Variants in TENM3 observed in about 807,000 individuals in gnomAD.
The protein encoded by TENM3 is teneurin transmembrane protein 3, also known as teneurin-3.
TENM3 carries 63 observed loss-of-function variants against 255.1 expected under a neutral mutation model. The observed-to-expected ratio is 0.25, with a 90% confidence interval of 0.20 to 0.30. The LOEUF is 0.30. Among genes scored for constraint, TENM3 ranks in the 10% least tolerant of loss-of-function variants. The pLI is 1.00. For missense variants in TENM3, 2,929 were observed against 3,461.1 expected (o/e 0.85, Z 3.86); for synonymous variants, 1,306 against 1,322.3 (o/e 0.99, Z 0.27).
intron 1 of TENM3, among the ~76,000 whole-genome samples, chr4:182,263,393 C>T (rs1023213027): frequency 3.9e-5 from 6 of 152,068 alleles, no homozygotes; most frequent in East Asian, 3.9e-4. Flanking sequence ...AGAGGCCCAA[C>T]TTAGGAGGGT....
chr4:182,574,391 A>T (rs957815571), intron 3 of TENM3, among the ~76,000 whole-genome samples: 3 of 152,110 alleles, frequency 2.0e-5, no homozygotes, highest in African/African-American at 7.2e-5. Context: ...GTCATTTGGT[A>T]TGCATTACTT....
At chr4:182,173,584 G>A (rs142160252) in intron 1 of TENM3, among the ~76,000 whole-genome samples, 4 of 152,230 alleles carry the variant, frequency 2.6e-5, no homozygotes, top group South Asian at 2.1e-4. Flanking sequence ...ATCCTATGTG[G>A]CCAGGAAGTT....
the TENM3 span, among the ~76,000 whole-genome samples, chr4:181,990,734 G>T: frequency 3.9e-5 from 6 of 152,176 alleles, no homozygotes; most frequent in Admixed American, 2.0e-4. Context: ...ACTCCATGAC[G>T]CTCACAACTA....
rs1377503023 is a variant in TENM3 at position 182,161,308 on chromosome 4, C to T, written c.-76+16554C>T. ...GCGGGCGCCTGTAGTCCCAGCTACT[C>T]GGGAGGCTGAGGCAGGAGAATGGCG... On this transcript the variant is annotated intron_variant, in intron 1 of 2. Coordinates refer to the TENM3 transcript ENST00000512480. 5.3e-5 allele frequency among the ~76,000 whole-genome samples: 7 copies of T among 132,716 alleles called. 2 individuals are homozygous for T. In the East Asian group the frequency reaches 1.1e-3, roughly 21 times the overall value. 87.1% of individuals were successfully genotyped at this position (132,716 alleles called of 152,430 possible).
At chr4:182,256,762 C>A (rs2150140676) in intron 1 of TENM3, among the ~76,000 whole-genome samples, 1 of 152,154 alleles carries the variant, frequency 6.6e-6, no homozygotes, top group South Asian at 2.1e-4. Flanking sequence ...CTATATAGAA[C>A]AAGATTTTAG....
At chr4:182,490,312 A>G (rs1735166950) in intron 3 of TENM3, among the ~76,000 whole-genome samples, 1 of 152,172 alleles carries the variant, frequency 6.6e-6, no homozygotes, top group African/African-American at 2.4e-5. Context: ...GTCATGTTTA[A>G]CTAGCCATGA....
chr4:181,948,276 G>T, the TENM3 span, among the ~76,000 whole-genome samples: 2 of 151,966 alleles, frequency 1.3e-5, no homozygotes, highest in Non-Finnish European at 2.9e-5. Context: ...TGCTTCTATT[G>T]GTTGTATATA....
chr4:181,893,488 C>CCCG, the TENM3 span, among the ~76,000 whole-genome samples: 1 of 13,238 alleles, frequency 7.6e-5, no homozygotes, highest in African/African-American at 3.1e-4. Context: ...CTTTCCCCTG[C>CCCG]CCACCCCCCC....
the TENM3 span, among the ~76,000 whole-genome samples, chr4:181,759,933 G>A: frequency 6.4e-4 from 97 of 152,176 alleles, no homozygotes; most frequent in African/African-American, 2.2e-3. Context: ...GACTGAACAG[G>A]TAACTTGCTT....
At chr4:181,451,488 G>A in the TENM3 span, among the ~76,000 whole-genome samples, 104 of 152,246 alleles carry the variant, frequency 6.8e-4, 1 homozygote, top group African/African-American at 2.1e-3. Flanking sequence ...TGGTTGATGC[G>A]TGGAGAATAG....
At chr4:182,533,624 C>T (rs1169545546) in intron 3 of TENM3, among the ~76,000 whole-genome samples, 1 of 151,098 alleles carries the variant, frequency 6.6e-6, no homozygotes, top group East Asian at 1.9e-4. Flanking sequence ...AAAGAATATT[C>T]GACTCCTGAA....
intron 3 of TENM3, among the ~76,000 whole-genome samples, chr4:182,525,614 T>C (rs76951951): frequency 0.076 from 11,602 of 152,320 alleles, 543 homozygotes; most frequent in East Asian, 0.11. Context: ...ACTGTGTGTA[T>C]GTACACCCGT....
At chr4:182,020,546 ATTGAATG>A in the TENM3 span, among the ~76,000 whole-genome samples, 1 of 152,256 alleles carries the variant, frequency 6.6e-6, no homozygotes, top group African/African-American at 2.4e-5. Context: ...GAAGGAGGAT[ATTGAATG>A]TTCCCAACAC....
intron 26 of TENM3, among the ~76,000 whole-genome samples, chr4:182,795,299 A>G (rs1766419654): frequency 6.6e-6 from 1 of 151,978 alleles, no homozygotes; most frequent in Non-Finnish European, 1.5e-5. Flanking sequence ...CGGTCCTCTG[A>G]TTTTCACTGT....
the TENM3 span, among the ~76,000 whole-genome samples, chr4:181,761,173 G>A: frequency 6.6e-6 from 1 of 151,638 alleles, no homozygotes; most frequent in Admixed American, 6.6e-5. Flanking sequence ...TTTTACTATC[G>A]ACTATACTAA....
rs1324366891 is a variant in TENM3, at chr4:182,729,151, T to A, written c.2555T>A (p.Val852Asp). 2 of 1,614,012 alleles carry A rather than the reference T, an allele frequency of 1.2e-6. No homozygotes were observed. Among genetic ancestry groups the A allele is most frequent in the East Asian group, 4.5e-5 (2 of 44,880 alleles). ...CTTATAGGATCTGATAGCACCCATG[T>A]TATACCTGGAGAAAGTCCTTTCAAT... ...SFLIGSDSTH[V>D]IPGESPFNKS... Residue 852 changes from valine (V) to aspartate (D), a missense_variant, in exon 14 of 28, where the codon GTT (valine) becomes GAT (aspartate). This residue lies in a region of TENM3 where 1,608 missense variants were observed against 1,884.4 expected (regional missense o/e 0.85). Coordinates refer to ENST00000511685, the MANE Select transcript of TENM3 (RefSeq NM_001080477.4).
chr4:182,452,674 G>A lies in TENM3; in HGVS notation c.511+105745G>A, dbSNP rs1244902926. On this transcript the variant is annotated intron_variant, in intron 3 of 27. Coordinates refer to ENST00000511685, the MANE Select transcript of TENM3 (RefSeq NM_001080477.4). ...TAAGTGCTATTTTGGCTATAATCAC[G>A]TGAAGTGATTCATATCCAGAAACAT... Among the ~76,000 whole-genome samples, 8 of 152,158 alleles carry A rather than the reference G, an allele frequency of 5.3e-5. No individual in the cohort carries two copies. The East Asian group carries it at 5.8e-4, about 11-fold the overall frequency.
the TENM3 span, among the ~76,000 whole-genome samples, chr4:181,790,817 C>T: frequency 1.3e-5 from 2 of 152,130 alleles, no homozygotes; most frequent in Non-Finnish European, 2.9e-5. Flanking sequence ...CTTTGGCCCT[C>T]ACTGAGAATC....
the TENM3 span, among the ~76,000 whole-genome samples, chr4:181,871,753 AGT>A: frequency 6.6e-6 from 1 of 152,096 alleles, no homozygotes; most frequent in Non-Finnish European, 1.5e-5. Flanking sequence ...TACTTTGTTA[AGT>A]GTGTTTTATA....
Sources: allele counts gnomAD v4.1 joint callset (sites outside exome capture counted in the v4.1 genomes callset), GRCh38; gene constraint gnomAD v4.1.1; regional missense constraint gnomAD v4.1.1; transcripts MANE v1.5; gene names NCBI Gene and HGNC (gene_info 2026-07-23, HGNC 2026-07-21).